PER3: variants seen among roughly 807,000 people sequenced by gnomAD.
The protein encoded by PER3 is period circadian regulator 3.
A neutral mutation model predicts 127.2 loss-of-function variants in PER3; 107 were observed. The observed-to-expected ratio is 0.84, with a 90% CI of 0.72 to 0.99. The LOEUF (loss-of-function observed/expected upper bound fraction) is 0.99, where lower values mean the gene tolerates loss of function less well. Among genes scored for constraint, PER3 ranks in the 50% least tolerant of loss-of-function variants. PER3 has a pLI of 0.00. For missense variants in PER3, 1,560 were observed against 1,525.8 expected (o/e 1.02, Z -0.37); for synonymous variants, 618 against 585.8 (o/e 1.05, Z -0.79).
At chr1:7,805,115 A>T (rs983161498) in intron 10 of PER3, among the ~76,000 whole-genome samples, 1 of 151,700 alleles carries the variant, frequency 6.6e-6, no homozygotes, top group Admixed American at 6.6e-5. Flanking sequence ...TGATCCACCC[A>T]CCTTGGCCTC....
chr1:7,837,562 A>G (rs12741937), intron 21 of PER3, among the ~76,000 whole-genome samples: 21 of 152,196 alleles, frequency 1.4e-4, no homozygotes, highest in African/African-American at 4.8e-4. Flanking sequence ...GGTAGTATTC[A>G]TACTAAGCAG....
At chr1:7,788,287 A>G (rs1244487362) in intron 5 of PER3, 41 bp downstream of exon 5, 2 of 1,345,722 alleles carry the variant, frequency 1.5e-6, no homozygotes, top group Non-Finnish European at 2.1e-6. Context: ...TTCCTCATCA[A>G]GATCAGTTTC....
At chr1:7,837,853 C>G (rs1473127113) in intron 21 of PER3, among the ~76,000 whole-genome samples, 1 of 152,184 alleles carries the variant, frequency 6.6e-6, no homozygotes, top group African/African-American at 2.4e-5. Context: ...GTGAGAGGAT[C>G]AGGAGTTGGA....
intron 19 of PER3, among the ~76,000 whole-genome samples, chr1:7,832,437 G>A (rs1462005839): frequency 1.5e-5 from 2 of 133,944 alleles, no homozygotes; most frequent in African/African-American, 2.8e-5. Context: ...GCAGTGGCAC[G>A]ATATTGGCTT....
intron 19 of PER3, among the ~76,000 whole-genome samples, chr1:7,831,552 A>T (rs2097331698): frequency 6.6e-6 from 1 of 152,158 alleles, no homozygotes. Context: ...TCAGTGTTTC[A>T]CCATTAAGTA....
intron 4 of PER3, chr1:7,787,809 G>A (rs764365010): frequency 1.6e-5 from 9 of 545,534 alleles, no homozygotes; most frequent in Admixed American, 3.1e-5. Context: ...CATAGAATAA[G>A]CTAGTATATT....
intron 6 of PER3, among the ~76,000 whole-genome samples, chr1:7,798,208 C>G (rs2097154479): frequency 6.6e-6 from 1 of 152,160 alleles, no homozygotes; most frequent in Admixed American, 6.5e-5. Flanking sequence ...TTATGCTTGT[C>G]CCTCTTCACA....
chr1:7,813,868 G>A (rs1369841069), intron 13 of PER3, among the ~76,000 whole-genome samples: 1 of 152,160 alleles, frequency 6.6e-6, no homozygotes, highest in Non-Finnish European at 1.5e-5. Context: ...ACAAGACTCA[G>A]AGAGGACACA....
Position 7,835,950 on chromosome 1 carries a change from G to A in PER3, c.3398+5G>A. 4 of 1,555,352 alleles carry A rather than the reference G, an allele frequency of 2.6e-6. No individual in the cohort carries two copies. Among genetic ancestry groups the A allele is most frequent in the South Asian group, 1.2e-5 (1 of 84,624 alleles). ...GACATACCAGGTACCTGAGAGGTAAGAAAGCACTTTAGAAAACCCACTTTT... is the reference window on the plus strand; with the variant it reads ...GACATACCAGGTACCTGAGAGGTAAAAAAGCACTTTAGAAAACCCACTTTT... On this transcript the variant is annotated splice_donor_5th_base_variant and intron_variant, in intron 20 of 21. Transcript: ENST00000377532.
chr1:7,786,679 T>C (rs2097092543), intron 3 of PER3, 42 bp from the exon 4 acceptor site: 2 of 991,010 alleles, frequency 2.0e-6, no homozygotes, highest in South Asian at 2.6e-5. Flanking sequence ...CTAAAGATAC[T>C]GTTGTCACTG....
intron 13 of PER3, among the ~76,000 whole-genome samples, chr1:7,817,431 G>T (rs1457755785): frequency 6.6e-6 from 1 of 152,212 alleles, no homozygotes; most frequent in East Asian, 1.9e-4. Context: ...TGCTTCAACT[G>T]TATCTCCTAG....
intron 16 of PER3, among the ~76,000 whole-genome samples, chr1:7,822,791 G>T (rs1291086420): frequency 6.6e-6 from 1 of 152,144 alleles, no homozygotes; most frequent in Non-Finnish European, 1.5e-5. Context: ...AAGCATAGTG[G>T]TTCACAACTG....
At chr1:7,817,192 A>G (rs771193052) in intron 13 of PER3, among the ~76,000 whole-genome samples, 36 of 152,200 alleles carry the variant, frequency 2.4e-4, no homozygotes, top group Non-Finnish European at 4.4e-4. Flanking sequence ...CTGTAAGGAC[A>G]TTTTTAAGTC....
At chr1:7,809,245 T>C (rs973666022) in intron 11 of PER3, among the ~76,000 whole-genome samples, 4 of 152,242 alleles carry the variant, frequency 2.6e-5, no homozygotes, top group Non-Finnish European at 5.9e-5. Flanking sequence ...GAGAGAATTA[T>C]TACATTCCAA....
intron 7 of PER3, among the ~76,000 whole-genome samples, chr1:7,800,414 G>A (rs901955513): frequency 4.6e-5 from 7 of 151,182 alleles, no homozygotes; most frequent in Non-Finnish European, 4.4e-5. Context: ...TATCATGTTG[G>A]CCAAGCTCGT....
chr1:7,788,829 G>A (rs754040609), intron 5 of PER3, among the ~76,000 whole-genome samples: 10 of 151,888 alleles, frequency 6.6e-5, no homozygotes, highest in East Asian at 1.9e-4. Flanking sequence ...ACTTGAACCC[G>A]GGAGACAGAG....
At chr1:7,824,114 G>A (rs2097290547) in intron 16 of PER3, among the ~76,000 whole-genome samples, 1 of 152,272 alleles carries the variant, frequency 6.6e-6, no homozygotes, top group Admixed American at 6.5e-5. Context: ...AAATGTATGG[G>A]ATACAGCTAA....
At chr1:7,833,977 C>T (rs1215258627) in intron 19 of PER3, among the ~76,000 whole-genome samples, 2 of 152,072 alleles carry the variant, frequency 1.3e-5, no homozygotes, top group Non-Finnish European at 2.9e-5. Context: ...GGCTGGAGTG[C>T]AGTGGTGCCA....
At chr1:7,830,864 A>C (rs1221779472) in intron 19 of PER3, among the ~76,000 whole-genome samples, 1 of 152,178 alleles carries the variant, frequency 6.6e-6, no homozygotes, top group African/African-American at 2.4e-5. Context: ...CCACACTCTT[A>C]AGTAATGTAA....
Sources: allele counts gnomAD v4.1 joint callset (sites outside exome capture counted in the v4.1 genomes callset), GRCh38; gene constraint gnomAD v4.1.1; transcripts MANE v1.5; gene names NCBI Gene and HGNC (gene_info 2026-07-23, HGNC 2026-07-21).